SH3GL3: variants seen among roughly 807,000 people sequenced by gnomAD.
SH3GL3 encodes the protein SH3 domain containing GRB2 like 3, endophilin A3.
A neutral mutation model predicts 47.7 loss-of-function variants in SH3GL3; 33 were observed. That is an observed-to-expected ratio of 0.69 (90% CI 0.52 to 0.92). The LOEUF (loss-of-function observed/expected upper bound fraction) is 0.92. Among genes scored for constraint, SH3GL3 ranks in the 40% least tolerant of loss-of-function variants. The pLI is 0.00. For synonymous variants in SH3GL3, 155 were observed against 148.8 expected, an observed-to-expected ratio of 1.04 and a Z score of -0.30; for missense variants, 363 against 417.8, an observed-to-expected ratio of 0.87 and a Z score of 1.14.
At chr15:83,460,141 C>T (rs192743992) in intron 1 of SH3GL3, among the ~76,000 whole-genome samples, 236 of 147,704 alleles carry the variant, frequency 1.6e-3, no homozygotes, top group Non-Finnish European at 2.9e-3. Context: ...TGCTGTGTCA[C>T]CCAGGCTGGA....
intron 5 of SH3GL3, 115 bp from the exon 6 acceptor site, chr15:83,576,468 C>G: frequency 1.1e-6 from 1 of 928,054 alleles, no homozygotes. Context: ...AAGGTGGGTT[C>G]CTGCCCTCTG....
At chr15:83,557,985 A>C (rs534083467) in intron 1 of SH3GL3, among the ~76,000 whole-genome samples, 2 of 151,804 alleles carry the variant, frequency 1.3e-5, no homozygotes, top group African/African-American at 4.8e-5. Context: ...CTCCACTTAT[A>C]TTTTTCCTAT....
At chr15:83,544,653 C>T (rs1368853991) in intron 1 of SH3GL3, among the ~76,000 whole-genome samples, 1 of 152,116 alleles carries the variant, frequency 6.6e-6, no homozygotes, top group Non-Finnish European at 1.5e-5. Flanking sequence ...GATTGAAAAA[C>T]TCCCATTAGC....
chr15:83,626,987 C>T, the SH3GL3 span, among the ~76,000 whole-genome samples: 9 of 152,146 alleles, frequency 5.9e-5, no homozygotes, highest in South Asian at 2.1e-4. Context: ...ATGACCTTTC[C>T]GTATCAACAT....
chr15:83,630,869 C>T, the SH3GL3 span, among the ~76,000 whole-genome samples: 1 of 152,144 alleles, frequency 6.6e-6, no homozygotes, highest in African/African-American at 2.4e-5. Context: ...CAATCATGCC[C>T]TTCCAACAGT....
At chr15:83,533,286 G>A (rs953842127) in intron 1 of SH3GL3, among the ~76,000 whole-genome samples, 10 of 152,182 alleles carry the variant, frequency 6.6e-5, no homozygotes, top group African/African-American at 2.4e-4. Flanking sequence ...AAATGTTGAT[G>A]TGAGTGGGAG....
intron 4 of SH3GL3, among the ~76,000 whole-genome samples, chr15:83,571,834 A>AACCC (rs2045832387): frequency 6.6e-6 from 1 of 152,212 alleles, no homozygotes; most frequent in Non-Finnish European, 1.5e-5. Context: ...GAGACCCTGC[A>AACCC]ACCCTCATTG....
At position 83,472,858 on chromosome 15, in the gene SH3GL3, G is replaced by A. The variant is rs535348917; in HGVS notation, c.45+25280G>A. Among the ~76,000 whole-genome samples the A allele has an allele frequency of 2.6e-5, 4 of 152,280 alleles. No individual in the cohort carries two copies. In the South Asian group the frequency reaches 8.3e-4, roughly 32 times the overall value. ...TGTTTTCTTTGACATTGCTCTGGTA[G>A]GGGACATGGGGGGCACTGCCTTGTT... On this transcript the variant is annotated intron_variant, in intron 1 of 8. Transcript: ENST00000427482.
At chr15:83,514,825 T>C (rs1285187305) in intron 1 of SH3GL3, among the ~76,000 whole-genome samples, 11 of 152,136 alleles carry the variant, frequency 7.2e-5, no homozygotes, top group Admixed American at 7.2e-4. Context: ...GTCAGACTTC[T>C]GCTTGTTGGG....
chr15:83,514,445 GAC>G (rs2042900099), intron 1 of SH3GL3, among the ~76,000 whole-genome samples: 1 of 152,136 alleles, frequency 6.6e-6, no homozygotes, highest in African/African-American at 2.4e-5. Flanking sequence ...GCAAAAGAGA[GAC>G]AGAGAAAATT....
intron 8 of SH3GL3, among the ~76,000 whole-genome samples, chr15:83,613,249 G>A (rs774662467): frequency 2.0e-5 from 3 of 152,228 alleles, no homozygotes; most frequent in Non-Finnish European, 2.9e-5. Context: ...AGGTGCACTT[G>A]TACTGCCTGA....
At position 83,546,101 on chromosome 15, in the gene SH3GL3, G is replaced by A. The variant is rs188148069; in HGVS notation, c.46-13152G>A. On this transcript the variant is annotated intron_variant, in intron 1 of 8. Transcript: ENST00000427482. ...CAGAAGTTGATTCCTGCCAGAAATG[G>A]ATCTTTCCCTTCAGGGCAGTGGATT... is the stretch of plus-strand genomic sequence containing the variant. 3.3e-3 allele frequency among the ~76,000 whole-genome samples: 509 copies of A among 152,226 alleles called. 2 individuals are homozygous for A. The highest frequency in any genetic ancestry group is 5.4e-3 in the Non-Finnish European group (365 of 68,008).
the SH3GL3 span, among the ~76,000 whole-genome samples, chr15:83,633,084 G>A: frequency 0.85 from 128,987 of 152,196 alleles, 55,170 homozygotes; most frequent in East Asian, 0.96. Context: ...TGAAATTTTC[G>A]TACACTGCTG....
chr15:83,559,280 G>C lies in SH3GL3; in HGVS notation c.73G>C (p.Glu25Gln). The C allele has an allele frequency of 6.3e-7, 1 of 1,590,184 alleles. No homozygotes were observed. Among genetic ancestry groups the C allele is most frequent in the Non-Finnish European group, 8.6e-7 (1 of 1,158,164 alleles). The part of the protein sequence containing the change: ...QLFSEKISGA[E>Q]GTKLDDEFLD... ...ATTTAGTGAAAAAATAAGTGGTGCTGAAGGAACTAAACTAGACGATGAATT... is the reference window on the plus strand; with the variant it reads ...ATTTAGTGAAAAAATAAGTGGTGCTCAAGGAACTAAACTAGACGATGAATT... Residue 25 changes from glutamate to glutamine, a missense_variant, in exon 2 of 9, where the codon GAA (glutamate) becomes CAA (glutamine). By Grantham distance (29) the Glu-to-Gln change is conservative. Transcript: ENST00000427482.
At chr15:83,613,469 G>A (rs1365841662) in intron 8 of SH3GL3, among the ~76,000 whole-genome samples, 1 of 152,218 alleles carries the variant, frequency 6.6e-6, no homozygotes, top group East Asian at 1.9e-4. Context: ...TGTTCTGTGT[G>A]TGTGTGCAGC....
At chr15:83,600,572 A>G (rs1281635926) in intron 8 of SH3GL3, among the ~76,000 whole-genome samples, 2 of 152,166 alleles carry the variant, frequency 1.3e-5, no homozygotes, top group African/African-American at 4.8e-5. Context: ...TAACAGTACC[A>G]TGCTGTTTTG....
intron 1 of SH3GL3, among the ~76,000 whole-genome samples, chr15:83,464,177 T>C (rs1401028482): frequency 6.6e-6 from 1 of 152,182 alleles, no homozygotes; most frequent in African/African-American, 2.4e-5. Flanking sequence ...AATCTCATGG[T>C]CACTTCTCCA....
At chr15:83,489,035 A>T (rs571417111) in intron 1 of SH3GL3, among the ~76,000 whole-genome samples, 69 of 152,222 alleles carry the variant, frequency 4.5e-4, no homozygotes, top group Admixed American at 1.0e-3. Flanking sequence ...CTGAGAGTCC[A>T]GCATTGCTTG....
chr15:83,567,124 C>T (rs1174014025), intron 3 of SH3GL3, among the ~76,000 whole-genome samples: 1 of 152,102 alleles, frequency 6.6e-6, no homozygotes, highest in African/African-American at 2.4e-5. Flanking sequence ...GCTTGGTGTT[C>T]AATTCATAGT....
Sources: allele counts gnomAD v4.1 joint callset (sites outside exome capture counted in the v4.1 genomes callset), GRCh38; gene constraint gnomAD v4.1.1; transcripts MANE v1.5; gene names NCBI Gene and HGNC (gene_info 2026-07-23, HGNC 2026-07-21).